Variants in CNTN1 observed in about 807,000 individuals in gnomAD.
The protein encoded by CNTN1 is contactin 1, also known as contactin-1.
Under a neutral mutation model 126.4 loss-of-function variants are expected in CNTN1, and 38 were observed. The observed-to-expected ratio is 0.30, with a 90% CI of 0.23 to 0.39. The LOEUF is 0.39. Ranked by LOEUF, CNTN1 falls within the 10% of genes least tolerant of loss-of-function variation. The pLI is 1.00. For missense variants in CNTN1, 1,009 were observed against 1,248.4 expected (o/e 0.81, Z 2.89); for synonymous variants, 413 against 422.6 (o/e 0.98, Z 0.28).
chr12:40,801,424 T>C (rs566110370), intron 1 of CNTN1, among the ~76,000 whole-genome samples: 1 of 152,048 alleles, frequency 6.6e-6, no homozygotes, highest in African/African-American at 2.4e-5. Flanking sequence ...AAATAAATAA[T>C]TATAAAATTG....
At chr12:40,773,250 A>C (rs752049836) in intron 1 of CNTN1, among the ~76,000 whole-genome samples, 2 of 151,678 alleles carry the variant, frequency 1.3e-5, no homozygotes, top group African/African-American at 2.4e-5. Context: ...CTGATAAAAC[A>C]CTCTATGTAA....
chr12:40,948,258 C>CTTT (rs58087551), intron 14 of CNTN1, among the ~76,000 whole-genome samples: 1,275 of 62,658 alleles, frequency 0.02, 30 homozygotes, highest in African/African-American at 0.032. Context: ...TTCTTTCTTT[C>CTTT]TTTTTTTTTT....
chr12:40,730,515 C>T (rs1040771862), intron 1 of CNTN1, among the ~76,000 whole-genome samples: 2 of 152,158 alleles, frequency 1.3e-5, no homozygotes, highest in Non-Finnish European at 2.9e-5. Flanking sequence ...CACACCTCAC[C>T]TTTACATAGT....
At chr12:41,063,096 A>T (rs1429146917) in intron 23 of CNTN1, among the ~76,000 whole-genome samples, 2 of 152,230 alleles carry the variant, frequency 1.3e-5, no homozygotes, top group Non-Finnish European at 2.9e-5. Flanking sequence ...AAGATAAAAA[A>T]TGCTGAAAAA....
At chr12:40,816,139 T>G (rs1312274904) in intron 1 of CNTN1, among the ~76,000 whole-genome samples, 8 of 152,212 alleles carry the variant, frequency 5.3e-5, no homozygotes, top group African/African-American at 1.7e-4. Context: ...TTCCTGCTTT[T>G]GGTATCAGGA....
At chr12:41,043,349 C>T (rs2089129498) in intron 23 of CNTN1, among the ~76,000 whole-genome samples, 2 of 152,064 alleles carry the variant, frequency 1.3e-5, no homozygotes, top group East Asian at 1.9e-4. Flanking sequence ...AGGACATGAA[C>T]AGACACTTCT....
intron 7 of CNTN1, among the ~76,000 whole-genome samples, chr12:40,930,852 G>A (rs965472434): frequency 1.3e-5 from 2 of 151,808 alleles, no homozygotes; most frequent in South Asian, 2.1e-4. Flanking sequence ...AAAAAATATT[G>A]TTGACTTTCT....
intron 17 of CNTN1, among the ~76,000 whole-genome samples, chr12:41,008,278 G>A (rs1367680394): frequency 2.0e-5 from 3 of 152,182 alleles, no homozygotes; most frequent in African/African-American, 7.2e-5. Flanking sequence ...ACTATTAGTG[G>A]AGGTACCATA....
intron 1 of CNTN1, among the ~76,000 whole-genome samples, chr12:40,778,015 T>G (rs1457904856): frequency 1.1e-4 from 16 of 151,862 alleles, no homozygotes; most frequent in Non-Finnish European, 2.4e-4. Context: ...ATGAAAACAC[T>G]GTTGGTTTTA....
chr12:40,812,977 ATTCC>A (rs143234701), intron 1 of CNTN1, among the ~76,000 whole-genome samples: 18 of 145,924 alleles, frequency 1.2e-4, no homozygotes, highest in Non-Finnish European at 1.8e-4. Flanking sequence ...TTGAAAATCA[ATTCC>A]TTCCTTCCTT....
chr12:40,836,366 T>A (rs1368105031), intron 1 of CNTN1, among the ~76,000 whole-genome samples: 11 of 151,200 alleles, frequency 7.3e-5, no homozygotes, highest in Admixed American at 6.6e-4. Context: ...TCATGTAATA[T>A]ATGTGTATAT....
At chr12:40,750,328 AG>A (rs562295551) in intron 1 of CNTN1, among the ~76,000 whole-genome samples, 161 of 152,202 alleles carry the variant, frequency 1.1e-3, no homozygotes, top group African/African-American at 2.1e-3. Context: ...GTAGATATAA[AG>A]GTATGGATGT....
intron 1 of CNTN1, among the ~76,000 whole-genome samples, chr12:40,892,214 A>G (rs920843557): frequency 1.3e-5 from 2 of 152,098 alleles, no homozygotes; most frequent in East Asian, 3.9e-4. Flanking sequence ...TGAATGATGT[A>G]TAGACTGGAT....
chr12:40,783,980 A>G (rs1327214673), intron 1 of CNTN1, among the ~76,000 whole-genome samples: 1 of 152,154 alleles, frequency 6.6e-6, no homozygotes, highest in African/African-American at 2.4e-5. Flanking sequence ...TTCAGCTAAC[A>G]GTAAAGAAAA....
intron 17 of CNTN1, among the ~76,000 whole-genome samples, chr12:41,009,513 C>T (rs187610395): frequency 6.6e-6 from 1 of 152,274 alleles, no homozygotes; most frequent in African/African-American, 2.4e-5. Flanking sequence ...TTAAAACTCC[C>T]AAGGTCATTT....
At chr12:40,848,905 C>T (rs1424688014) in intron 1 of CNTN1, among the ~76,000 whole-genome samples, 2 of 150,526 alleles carry the variant, frequency 1.3e-5, no homozygotes, top group South Asian at 2.1e-4. Flanking sequence ...GGATTAATTG[C>T]CCTCTTAAAT....
At chr12:40,913,286 G>T (rs1945110294) in intron 3 of CNTN1, among the ~76,000 whole-genome samples, 1 of 152,204 alleles carries the variant, frequency 6.6e-6, no homozygotes. Context: ...CCCATCTTCT[G>T]TTATCAGCAG....
intron 1 of CNTN1, among the ~76,000 whole-genome samples, chr12:40,812,215 T>G (rs1941091895): frequency 6.6e-6 from 1 of 152,102 alleles, no homozygotes; most frequent in African/African-American, 2.4e-5. Context: ...TCTGTTATTA[T>G]TGACTTCTAG....
intron 23 of CNTN1, among the ~76,000 whole-genome samples, chr12:41,056,509 C>G (rs192894396): frequency 3.3e-5 from 5 of 152,010 alleles, no homozygotes; most frequent in African/African-American, 1.2e-4. Flanking sequence ...ACAGAGATAC[C>G]CAGAAATACA....
Sources: gnomAD v4.1 joint callset for allele counts (sites outside exome capture counted in the v4.1 genomes callset) on GRCh38, gnomAD v4.1.1 for gene constraint, MANE v1.5 for transcripts, NCBI Gene and HGNC (gene_info 2026-07-23, HGNC 2026-07-21) for gene names.